Variants in PEAK1 observed in about 807,000 individuals in gnomAD.
The protein encoded by PEAK1 is pseudopodium enriched atypical kinase 1, also known as inactive tyrosine-protein kinase PEAK1.
A neutral mutation model predicts 124.7 loss-of-function variants in PEAK1; 54 were observed. The observed-to-expected ratio is 0.43, with a 90% confidence interval of 0.35 to 0.54. The LOEUF is 0.54. PEAK1 is among the 20% of genes least tolerant of loss of function. The pLI is 0.01. For synonymous variants in PEAK1, 719 were observed against 760.0 expected (o/e 0.95, Z 0.89); for missense variants, 2,046 against 2,134.5 (o/e 0.96, Z 0.82).
chr15:77,234,811 A>C (rs1029641619), intron 6 of PEAK1, among the ~76,000 whole-genome samples: 1 of 151,948 alleles, frequency 6.6e-6, no homozygotes, highest in Non-Finnish European at 1.5e-5. Flanking sequence ...AATTAAAAAA[A>C]AATATATATA....
At chr15:77,409,431 G>A (rs1379714331) in intron 1 of PEAK1, among the ~76,000 whole-genome samples, 2 of 152,136 alleles carry the variant, frequency 1.3e-5, no homozygotes, top group African/African-American at 4.8e-5. Flanking sequence ...TTTCCCAAGT[G>A]GTAAAGATGA....
chr15:77,115,247 G>T lies in PEAK1; in HGVS notation c.4150C>A (p.His1384Asn). The T allele has an allele frequency of 6.2e-7, 1 of 1,614,152 alleles. No individual in the cohort carries two copies. The highest frequency in any genetic ancestry group is 1.6e-4 in the Middle Eastern group (1 of 6,062). ...SLAVRQSLAV[H>N]FNIQQDCGHF... ...CCACAGTCCTGCTGAATGTTAAAAT[G>T]GACAGCCAGACTCTGCCGGACAGCC... The change falls in exon 10 of 10, where the codon CAT becomes AAT. Residue 1384 changes from histidine to asparagine, a missense_variant. Transcript: ENST00000682557.
At chr15:77,165,539 T>C (rs372606423) in intron 7 of PEAK1, among the ~76,000 whole-genome samples, 3 of 152,248 alleles carry the variant, frequency 2.0e-5, no homozygotes, top group African/African-American at 7.2e-5. Flanking sequence ...TTTTCCCTAA[T>C]GCCCAGAAGC....
Position 77,178,896 on chromosome 15 carries a change from G to C in PEAK1, c.3031C>G (p.Gln1011Glu), listed in dbSNP as rs747791007. The C allele has an allele frequency of 6.8e-6, 11 of 1,614,024 alleles. No individual in the cohort carries two copies. The South Asian group carries it at 1.2e-4, about 18-fold the overall frequency. Residue 1011 changes from glutamine to glutamate, a missense_variant, in exon 7 of 10, where the codon CAG (glutamine) becomes GAG (glutamate). Coordinates refer to ENST00000682557, the MANE Select transcript of PEAK1 (RefSeq NM_001385026.1). ...CTACCCTTCTCCATGACTGCTGCCT[G>C]GTCTGTCCTAGCCTTGCTCTGATCC... ...SVDQSKARTD[Q>E]AAVMEKGRAE...
chr15:77,272,070 G>A (rs1461913718), intron 5 of PEAK1, among the ~76,000 whole-genome samples: 2 of 152,208 alleles, frequency 1.3e-5, no homozygotes, highest in African/African-American at 2.4e-5. Flanking sequence ...TGAACTGAAC[G>A]ATAATAGTGA....
At chr15:77,153,424 T>C (rs958771633) in intron 8 of PEAK1, among the ~76,000 whole-genome samples, 1 of 152,160 alleles carries the variant, frequency 6.6e-6, no homozygotes, top group Non-Finnish European at 1.5e-5. Flanking sequence ...GTTGATCTTT[T>C]CAAAAAAACA....
Position 77,371,608 on chromosome 15 carries a change from C to G in PEAK1, c.-665-6383G>C, listed in dbSNP as rs776340728. Among the ~76,000 whole-genome samples, 17 of 152,106 alleles carry G rather than the reference C, an allele frequency of 1.1e-4. 1 individual carries two copies. Among genetic ancestry groups the G allele is most frequent in the Admixed American group, 5.2e-4 (8 of 15,278 alleles). On this transcript the variant is annotated intron_variant, in intron 1 of 9. Transcript: ENST00000682557. ...AACCATATAATTTGATTAACAGAAG[C>G]TGGGCGCAGTGGCTCACGCCTGCAA...
intron 1 of PEAK1, among the ~76,000 whole-genome samples, chr15:77,365,800 A>C (rs1265633151): frequency 6.6e-6 from 1 of 151,960 alleles, no homozygotes; most frequent in African/African-American, 2.4e-5. Context: ...AGGAGAAAAA[A>C]ATCAATCTCC....
At chr15:77,125,709 G>A (rs2052317354) in intron 9 of PEAK1, among the ~76,000 whole-genome samples, 1 of 152,182 alleles carries the variant, frequency 6.6e-6, no homozygotes, top group African/African-American at 2.4e-5. Flanking sequence ...TAAATTCTTA[G>A]CCACTTTGTT....
At chr15:77,249,816 G>A (rs984390980) in intron 6 of PEAK1, among the ~76,000 whole-genome samples, 2 of 151,886 alleles carry the variant, frequency 1.3e-5, no homozygotes, top group Non-Finnish European at 2.9e-5. Context: ...GAGCCACTAC[G>A]CCTGGCCCTG....
intron 9 of PEAK1, among the ~76,000 whole-genome samples, chr15:77,132,777 C>T (rs1470680904): frequency 6.6e-6 from 1 of 151,048 alleles, no homozygotes; most frequent in East Asian, 1.9e-4. Context: ...TTCTTGTTTA[C>T]CTCTATCTTT....
intron 7 of PEAK1, among the ~76,000 whole-genome samples, chr15:77,167,256 A>G (rs1271102730): frequency 6.6e-6 from 1 of 152,206 alleles, no homozygotes; most frequent in Non-Finnish European, 1.5e-5. Flanking sequence ...GGAGGGGGTA[A>G]TAATTTGGAA....
intron 8 of PEAK1, among the ~76,000 whole-genome samples, chr15:77,147,221 T>A (rs1325246251): frequency 6.6e-6 from 1 of 152,210 alleles, no homozygotes; most frequent in Non-Finnish European, 1.5e-5. Context: ...TGAACTTTCC[T>A]GAGCAGAGCC....
At position 77,108,264 on chromosome 15, in the gene PEAK1, G is replaced by C. The variant is rs576998988; in HGVS notation, c.*5892C>G. The stretch of plus-strand genomic sequence containing the variant: ...AAAGGGTGGCACCACTGCTGGCAGA[G>C]AGGACCTTTCAATGATAGATTTATA... On this transcript the variant is annotated 3_prime_UTR_variant, in exon 10 of 10. Coordinates refer to ENST00000682557, the MANE Select transcript of PEAK1 (RefSeq NM_001385026.1). 6.6e-6 allele frequency: 1 copy of C among 152,354 alleles called. No homozygotes were observed. Among genetic ancestry groups the C allele is most frequent in the African/African-American group, 2.4e-5 (1 of 41,586 alleles). 9.4% of individuals were successfully genotyped at this position (152,354 alleles called of 1,614,324 possible). A position where few individuals can be genotyped will look rare whatever the true frequency, so the allele number is the denominator to read the frequency against.
intron 1 of PEAK1, among the ~76,000 whole-genome samples, chr15:77,411,598 T>C (rs934632723): frequency 6.6e-6 from 1 of 152,174 alleles, no homozygotes; most frequent in African/African-American, 2.4e-5. Flanking sequence ...CTAATAAGCT[T>C]CATTAGTACT....
At chr15:77,379,556 C>T (rs1327989989) in intron 1 of PEAK1, among the ~76,000 whole-genome samples, 3 of 152,012 alleles carry the variant, frequency 2.0e-5, no homozygotes, top group Non-Finnish European at 4.4e-5. Context: ...CTAGGGTTCC[C>T]GAAATCCAAT....
chr15:77,146,766 T>C (rs1424353033), intron 8 of PEAK1, among the ~76,000 whole-genome samples: 4 of 152,232 alleles, frequency 2.6e-5, no homozygotes, highest in Non-Finnish European at 4.4e-5. Flanking sequence ...CTATGCAGTG[T>C]GTGGAATAAT....
chr15:77,232,510 C>T (rs566435778), intron 6 of PEAK1, among the ~76,000 whole-genome samples: 105 of 152,312 alleles, frequency 6.9e-4, no homozygotes, highest in Middle Eastern at 3.4e-3. Flanking sequence ...TTCCCCAGGT[C>T]ACTCGCTACT....
At chr15:77,416,564 T>G (rs2072899093) in intron 1 of PEAK1, among the ~76,000 whole-genome samples, 1 of 152,174 alleles carries the variant, frequency 6.6e-6, no homozygotes, top group Non-Finnish European at 1.5e-5. Flanking sequence ...TTTTCCCCAC[T>G]AAATCCCCGC....
Sources: allele counts gnomAD v4.1 joint callset (sites outside exome capture counted in the v4.1 genomes callset), GRCh38; gene constraint gnomAD v4.1.1; transcripts MANE v1.5; gene names NCBI Gene and HGNC (gene_info 2026-07-23, HGNC 2026-07-21).